PACSIN2: variants seen among roughly 807,000 people sequenced by gnomAD.
PACSIN2 encodes protein kinase C and casein kinase substrate in neurons 2.
In PACSIN2, 25 loss-of-function variants were observed where a neutral mutation model predicts 63.8. The ratio of observed to expected loss-of-function variants is 0.39; its 90% confidence interval spans 0.29 to 0.55. The LOEUF is 0.55. PACSIN2 is among the 20% of genes least tolerant of loss of function. The pLI is 0.62. For missense variants in PACSIN2, 518 were observed against 646.9 expected (o/e 0.80, Z 2.16); for synonymous variants, 255 against 256.2 (o/e 1.00, Z 0.05).
chr22:42,889,373 T>TACACACACACATACACACACAC (rs68042145), intron 4 of PACSIN2, among the ~76,000 whole-genome samples: 8 of 122,424 alleles, frequency 6.5e-5, no homozygotes, highest in South Asian at 2.7e-4. Context: ...TAATGGTTTT[T>TACACACACACATACACACACAC]ACACACACAC....
At chr22:42,947,351 G>A (rs996443607) in intron 1 of PACSIN2, among the ~76,000 whole-genome samples, 1 of 152,286 alleles carries the variant, frequency 6.6e-6, no homozygotes, top group South Asian at 2.1e-4. Flanking sequence ...CCAGGTCAAC[G>A]CTTCAGCTTC....
intron 4 of PACSIN2, among the ~76,000 whole-genome samples, chr22:42,889,155 G>T (rs571276460): frequency 6.6e-6 from 1 of 152,182 alleles, no homozygotes; most frequent in South Asian, 2.1e-4. Flanking sequence ...CGGAGCATGG[G>T]GTGGGTGGAG....
chr22:42,884,556 T>G lies in PACSIN2; in HGVS notation c.615A>C (p.Lys205Asn). Residue 205 changes from lysine to asparagine, a missense_variant, in exon 6 of 11, where the codon AAA (lysine) becomes AAC (asparagine). Transcript: ENST00000263246. ...EKCKQDVLKT[K>N]EKYEKSLKEL... ...CCTTCAGGGACTTCTCATACTTCTCTTTGGTCTAAAGGAAAATCCAGGCAC... is the reference window on the plus strand; with the variant it reads ...CCTTCAGGGACTTCTCATACTTCTCGTTGGTCTAAAGGAAAATCCAGGCAC... The G allele has an allele frequency of 6.2e-7, 1 of 1,613,186 alleles. No individual in the cohort carries two copies. The highest frequency in any genetic ancestry group is 8.5e-7 in the Non-Finnish European group (1 of 1,179,464).
In PACSIN2 at chr22:42,869,848, C is replaced by G. The variant is rs1927950381; in HGVS notation, c.*1509G>C. ...AAAGGAACTGTTAAACTGAAAAAGACTTGACAATTTTTGGTAAATCCGTAG... is the reference window on the plus strand; with the variant it reads ...AAAGGAACTGTTAAACTGAAAAAGAGTTGACAATTTTTGGTAAATCCGTAG... On this transcript the variant is annotated 3_prime_UTR_variant, in exon 11 of 11. Transcript: ENST00000263246. 6.6e-6 allele frequency: 1 copy of G among 152,334 alleles called. No individual in the cohort carries two copies. Among genetic ancestry groups the G allele is most frequent in the Non-Finnish European group, 1.5e-5 (1 of 68,038 alleles). 9.4% of individuals were successfully genotyped at this position (152,334 alleles called of 1,614,324 possible).
intron 1 of PACSIN2, among the ~76,000 whole-genome samples, chr22:42,920,136 A>G (rs1932088517): frequency 6.6e-6 from 1 of 152,020 alleles, no homozygotes; most frequent in Non-Finnish European, 1.5e-5. Context: ...TAAAAATAAG[A>G]AAGAATCTAA....
chr22:42,981,237 C>T (rs1362013575), intron 1 of PACSIN2, among the ~76,000 whole-genome samples: 1 of 121,882 alleles, frequency 8.2e-6, no homozygotes, highest in Non-Finnish European at 1.7e-5. Context: ...GTGAGGAAAC[C>T]CTCTGCCTGG....
chr22:42,986,833 C>T (rs1922650531), intron 1 of PACSIN2, among the ~76,000 whole-genome samples: 1 of 152,140 alleles, frequency 6.6e-6, no homozygotes, highest in Admixed American at 6.5e-5. Context: ...CTTTTCTACC[C>T]ATTCTAAAAA....
chr22:42,935,773 C>T (rs1049158733), intron 1 of PACSIN2, among the ~76,000 whole-genome samples: 1 of 152,078 alleles, frequency 6.6e-6, no homozygotes, highest in African/African-American at 2.4e-5. Flanking sequence ...ACAAGCAGCA[C>T]CCTCAGACAG....
chr22:42,874,392 C>T (rs1928419965), intron 10 of PACSIN2, among the ~76,000 whole-genome samples: 2 of 151,724 alleles, frequency 1.3e-5, no homozygotes, highest in Non-Finnish European at 2.9e-5. Flanking sequence ...CACAGAAAGT[C>T]TTCACAGGCA....
At position 42,881,801 on chromosome 22, in the gene PACSIN2, C is replaced by T. The variant is rs1268694748; in HGVS notation, c.906+383G>A. The stretch of plus-strand genomic sequence containing the variant: ...GACCACCTCCCCTCCCCTGGCCCAC[C>T]GTGAGGGGAGCACTGTGGCTGCTCC... On this transcript the variant is annotated intron_variant, in intron 7 of 10. Transcript: ENST00000263246. Among the ~76,000 whole-genome samples the T allele has an allele frequency of 5.9e-5, 9 of 152,024 alleles. No individual in the cohort carries two copies. The East Asian group carries it at 1.4e-3, about 23-fold the overall frequency.
chr22:42,985,759 A>G (rs1374915617), intron 1 of PACSIN2, among the ~76,000 whole-genome samples: 1 of 152,110 alleles, frequency 6.6e-6, no homozygotes, highest in East Asian at 1.9e-4. Context: ...AGGTCTGAAA[A>G]TGTCCTGGAA....
At chr22:42,872,305 G>C (rs80273835) in intron 10 of PACSIN2, among the ~76,000 whole-genome samples, 2,801 of 152,340 alleles carry the variant, frequency 0.018, 33 homozygotes, top group East Asian at 0.03. Context: ...AGAGCCCAGG[G>C]GTGGGCAGGG....
At chr22:43,003,688 AAG>A (rs1923912836) in intron 1 of PACSIN2, among the ~76,000 whole-genome samples, 1 of 152,244 alleles carries the variant, frequency 6.6e-6, no homozygotes. Flanking sequence ...ACAAAATGTG[AAG>A]ACCTTTCGCA....
chr22:42,920,144 T>C (rs1460494633), intron 1 of PACSIN2, among the ~76,000 whole-genome samples: 1 of 151,308 alleles, frequency 6.6e-6, no homozygotes, highest in South Asian at 2.1e-4. Flanking sequence ...AGAAAGAATC[T>C]AAAAAAGAAA....
Position 42,871,383 on chromosome 22 carries a change from C to T in PACSIN2, c.1435G>A (p.Ala479Thr). The T allele has an allele frequency of 6.2e-7, 1 of 1,613,646 alleles. No homozygotes were observed. The highest frequency in any genetic ancestry group is 8.5e-7 in the Non-Finnish European group (1 of 1,179,500). ...LDNGQVGLYP[A>T]NYVEAIQ The stretch of plus-strand genomic sequence containing the variant: ...CACTGGATCGCCTCCACATAATTTG[C>T]CGGGTATAGGCCAACTTGCCCGTTG... Residue 479 changes from alanine (A) to threonine (T), a missense_variant, in exon 11 of 11, where the codon GCA becomes ACA. Around this residue, in one of 2 missense-constraint regions of PACSIN2, gnomAD observed 11 missense variants for 34.6 expected, o/e 0.32. Coordinates refer to ENST00000263246, the MANE Select transcript of PACSIN2 (RefSeq NM_001184970.3). The surrounding 1 kb of genome is among the most constrained non-coding windows in gnomAD (Gnocchi z 5.4).
chr22:42,888,753 TCTC>T lies in PACSIN2; in HGVS notation c.496_498del (p.Glu166del), dbSNP rs1426070573. The T allele has an allele frequency of 1.2e-6, 2 of 1,614,170 alleles. No homozygotes were observed. Among genetic ancestry groups the T allele is most frequent in the Admixed American group, 1.7e-5 (1 of 60,022 alleles). Reference sequence around the variant, plus strand: ...TTGGCTTCTCGTGAGATAGCCAGCTTCTCCTCTTTGCACGCTGCATGGTGGGCT... The same window carrying T: ...TTGGCTTCTCGTGAGATAGCCAGCTTCTCTTTGCACGCTGCATGGTGGGCT... On this transcript the variant is annotated inframe_deletion, in exon 5 of 11. Transcript: ENST00000263246.
chr22:42,932,078 A>T (rs1932789896), intron 1 of PACSIN2, among the ~76,000 whole-genome samples: 1 of 152,086 alleles, frequency 6.6e-6, no homozygotes, highest in Non-Finnish European at 1.5e-5. Context: ...CTGTACTGCA[A>T]ATCCCGTCAT....
chr22:42,891,072 C>T lies in PACSIN2; in HGVS notation c.328G>A (p.Glu110Lys), dbSNP rs1929871019. The T allele has an allele frequency of 6.2e-7, 1 of 1,614,064 alleles. No individual in the cohort carries two copies. The highest frequency in any genetic ancestry group is 8.5e-7 in the Non-Finnish European group (1 of 1,180,040). The change falls in exon 4 of 11, where the codon GAG becomes AAG. Residue 110 changes from glutamate to lysine, a missense_variant. Coordinates refer to ENST00000263246, the MANE Select transcript of PACSIN2 (RefSeq NM_001184970.3). Reference sequence around the variant, plus strand: ...TCCTTCTGCCAGTTCTTGATCTTCTCGAAGTCATCGTTCATCAGTGAGGCC... The same window carrying T: ...TCCTTCTGCCAGTTCTTGATCTTCTTGAAGTCATCGTTCATCAGTGAGGCC... ...VKASLMNDDF[E>K]KIKNWQKEAF...
chr22:42,891,454 G>A (rs1251695808), intron 3 of PACSIN2, among the ~76,000 whole-genome samples: 2 of 152,180 alleles, frequency 1.3e-5, no homozygotes, highest in Non-Finnish European at 2.9e-5. Flanking sequence ...CGGCTGGAGT[G>A]CAGAGACGTG....
Sources: gnomAD v4.1 joint callset for allele counts (sites outside exome capture counted in the v4.1 genomes callset) on GRCh38, gnomAD v4.1.1 for gene constraint, gnomAD v4.1.1 regional missense constraint, Gnocchi (gnomAD v3.1) non-coding constraint, MANE v1.5 for transcripts, NCBI Gene and HGNC (gene_info 2026-07-23, HGNC 2026-07-21) for gene names.